Variants in NKAIN3 observed in about 807,000 individuals in gnomAD.
The protein encoded by NKAIN3 is sodium/potassium transporting ATPase interacting 3.
Under a neutral mutation model 30.2 loss-of-function variants are expected in NKAIN3, and 25 were observed. That is an observed-to-expected ratio of 0.83 (90% CI 0.60 to 1.16). The LOEUF is 1.16. NKAIN3 is among the 50% of genes most tolerant of loss of function. NKAIN3 has a pLI of 0.00. For synonymous variants in NKAIN3, 91 were observed against 89.6 expected (o/e 1.02, Z -0.09); for missense variants, 225 against 254.1 (o/e 0.89, Z 0.78).
At chr8:62,529,319 C>A (rs894115794) in intron 1 of NKAIN3, among the ~76,000 whole-genome samples, 9 of 152,174 alleles carry the variant, frequency 5.9e-5, no homozygotes, top group African/African-American at 2.2e-4. Context: ...TTTGACAAAT[C>A]TCACTGACAC....
Position 62,984,709 on chromosome 8 carries a change from A to G in NKAIN3, c.*19302A>G, listed in dbSNP as rs140255481. The G allele has an allele frequency of 6.7e-4, 102 of 152,332 alleles. No homozygotes were observed. Among genetic ancestry groups the G allele is most frequent in the African/African-American group, 2.4e-3 (99 of 41,560 alleles). 9.4% of individuals were successfully genotyped at this position (152,332 alleles called of 1,614,324 possible). ...GATAACAAGACTTGCTTTCACAATT[A>G]CTATTTACATTTTTGTGCATATAAT... On this transcript the variant is annotated 3_prime_UTR_variant, in exon 7 of 7. Coordinates refer to ENST00000623646, the MANE Select transcript of NKAIN3 (RefSeq NM_001304533.3).
rs569239359 is a variant in NKAIN3 at position 62,966,046 on chromosome 8, T to C, written c.*639T>C. 63 of 983,812 alleles carry C rather than the reference T, an allele frequency of 6.4e-5. No homozygotes were observed. The highest frequency in any genetic ancestry group is 9.4e-5 in the South Asian group (2 of 21,260). 60.9% of individuals were successfully genotyped at this position (983,812 alleles called of 1,614,324 possible). On this transcript the variant is annotated 3_prime_UTR_variant, in exon 7 of 7. Coordinates refer to ENST00000623646, the MANE Select transcript of NKAIN3 (RefSeq NM_001304533.3). ...TATCTTGTTTTTCCTGATATATATA[T>C]ATATGTAGGCACATGGAAGAGTAAA...
chr8:62,737,405 C>G (rs1451079545), intron 3 of NKAIN3, among the ~76,000 whole-genome samples: 1 of 152,300 alleles, frequency 6.6e-6, no homozygotes, highest in South Asian at 2.1e-4. Context: ...TTTGGCTCTC[C>G]AGAAAGTCAA....
intron 1 of NKAIN3, among the ~76,000 whole-genome samples, chr8:62,371,438 C>A (rs1816905602): frequency 6.6e-6 from 1 of 151,850 alleles, no homozygotes; most frequent in African/African-American, 2.4e-5. Context: ...ATTTCTTCCT[C>A]TGAGACAATC....
At chr8:62,671,531 A>C (rs1326178673) in intron 3 of NKAIN3, among the ~76,000 whole-genome samples, 1 of 152,150 alleles carries the variant, frequency 6.6e-6, no homozygotes, top group African/African-American at 2.4e-5. Flanking sequence ...TTATAATTTT[A>C]TTACTTTCCT....
chr8:62,421,631 T>G (rs1431060324), intron 1 of NKAIN3, among the ~76,000 whole-genome samples: 2 of 151,918 alleles, frequency 1.3e-5, no homozygotes, highest in African/African-American at 4.8e-5. Flanking sequence ...TCTCTCTCTC[T>G]CTCTCTCTGT....
Position 62,381,508 on chromosome 8 carries a change from A to G in NKAIN3, c.54+132381A>G, listed in dbSNP as rs1817274708. Among the ~76,000 whole-genome samples, 3 of 151,442 alleles carry G rather than the reference A, an allele frequency of 2.0e-5. No individual in the cohort carries two copies. The South Asian group carries it at 6.2e-4, about 31-fold the overall frequency. ...GTACTTCTGATATACATATATATATACATACACACACATATACATATATAT... is the reference window on the plus strand; with the variant it reads ...GTACTTCTGATATACATATATATATGCATACACACACATATACATATATAT... On this transcript the variant is annotated intron_variant, in intron 1 of 6. Coordinates refer to ENST00000623646, the MANE Select transcript of NKAIN3 (RefSeq NM_001304533.3).
At chr8:62,929,254 G>T (rs981692228) in intron 5 of NKAIN3, among the ~76,000 whole-genome samples, 1 of 152,152 alleles carries the variant, frequency 6.6e-6, no homozygotes, top group Non-Finnish European at 1.5e-5. Flanking sequence ...GAATTAAAGG[G>T]CAGATTGTCC....
intron 4 of NKAIN3, among the ~76,000 whole-genome samples, chr8:62,795,410 C>T (rs761091429): frequency 2.0e-5 from 3 of 152,140 alleles, no homozygotes; most frequent in East Asian, 1.9e-4. Flanking sequence ...CCCTTGGGTG[C>T]CTATGGACCC....
chr8:62,416,590 T>C (rs886594715), intron 1 of NKAIN3, among the ~76,000 whole-genome samples: 2 of 152,340 alleles, frequency 1.3e-5, no homozygotes, highest in East Asian at 1.9e-4. Flanking sequence ...TACAGGCATG[T>C]AATGCATAAT....
intron 1 of NKAIN3, among the ~76,000 whole-genome samples, chr8:62,283,215 C>T (rs1409265994): frequency 6.6e-6 from 1 of 152,074 alleles, no homozygotes; most frequent in African/African-American, 2.4e-5. Context: ...TGAACTTAAT[C>T]CAGAATTAGA....
At chr8:62,344,934 C>G in intron 1 of NKAIN3, 1 of 340,862 alleles carries the variant, frequency 2.9e-6, no homozygotes, top group Non-Finnish European at 5.7e-6. Flanking sequence ...TTTTCCAGTA[C>G]AATCCAATAT....
intron 6 of NKAIN3, among the ~76,000 whole-genome samples, chr8:62,957,516 T>A (rs1158439912): frequency 6.6e-6 from 1 of 152,178 alleles, no homozygotes; most frequent in Admixed American, 6.5e-5. Context: ...CTCTGGGACA[T>A]CCATACCATG....
At chr8:62,316,526 G>T (rs1392527837) in intron 1 of NKAIN3, among the ~76,000 whole-genome samples, 1 of 151,996 alleles carries the variant, frequency 6.6e-6, no homozygotes, top group African/African-American at 2.4e-5. Flanking sequence ...AGAACATGTG[G>T]GGTTTGGTTT....
rs745656635 is a variant in NKAIN3 at position 62,746,936 on chromosome 8, C to A, written c.278C>A (p.Thr93Asn). 18 of 1,598,538 alleles carry A rather than the reference C, an allele frequency of 1.1e-5. No homozygotes were observed. The Middle Eastern group carries it at 6.6e-4, about 59-fold the overall frequency. Residue 93 changes from threonine to asparagine, a missense_variant, in exon 4 of 7, where the codon ACC (threonine) becomes AAC (asparagine). Physicochemically the swap from Thr to Asn is moderately conservative, Grantham distance 65. Coordinates refer to ENST00000623646, the MANE Select transcript of NKAIN3 (RefSeq NM_001304533.3). ...YLEVGGLSKD[T>N]DLMTFNISVH... is the part of the protein sequence containing the mutation. The stretch of plus-strand genomic sequence containing the variant: ...TTTTGTCTCCTACCCACCTAGGACA[C>A]CGATCTAATGACATTCAATATCTCT...
intron 3 of NKAIN3, among the ~76,000 whole-genome samples, chr8:62,738,262 A>G (rs1418914633): frequency 2.0e-5 from 3 of 152,136 alleles, no homozygotes; most frequent in African/African-American, 7.2e-5. Flanking sequence ...TTCTCTAATG[A>G]CAGTGATGAT....
chr8:62,788,681 G>C (rs1411226791), intron 4 of NKAIN3, among the ~76,000 whole-genome samples: 1 of 151,962 alleles, frequency 6.6e-6, no homozygotes, highest in Non-Finnish European at 1.5e-5. Context: ...TAACATGTAA[G>C]TCTTTAATCC....
intron 5 of NKAIN3, among the ~76,000 whole-genome samples, chr8:62,948,708 A>G (rs1823195672): frequency 6.6e-6 from 1 of 152,196 alleles, no homozygotes; most frequent in African/African-American, 2.4e-5. Context: ...AATAAGTTAA[A>G]CTTTAAATTG....
chr8:62,329,182 T>C (rs559505438), intron 1 of NKAIN3, among the ~76,000 whole-genome samples: 88 of 152,200 alleles, frequency 5.8e-4, no homozygotes, highest in Middle Eastern at 6.8e-3. Flanking sequence ...ATCAGTGGCC[T>C]TGAGCCAGCA....
Sources: gnomAD v4.1 joint callset for allele counts (sites outside exome capture counted in the v4.1 genomes callset) on GRCh38, gnomAD v4.1.1 for gene constraint, MANE v1.5 for transcripts, NCBI Gene and HGNC (gene_info 2026-07-23, HGNC 2026-07-21) for gene names.